The following CUL9 variants were observed in gnomAD, a reference collection of about 807,000 sequenced individuals.
The protein encoded by CUL9 is cullin-9.
A neutral mutation model predicts 272.6 loss-of-function variants in CUL9; 79 were observed. That is an observed-to-expected ratio of 0.29 (90% CI 0.24 to 0.35). The LOEUF is 0.35. Among genes scored for constraint, CUL9 ranks in the 10% least tolerant of loss-of-function variants. CUL9 has a pLI of 1.00. For synonymous variants in CUL9, 1,186 were observed against 1,286.5 expected (o/e 0.92, Z 1.67); for missense variants, 2,532 against 3,255.6 (o/e 0.78, Z 5.41).
In CUL9 at chr6:43,203,111, G is replaced by A. The variant is rs1774750119; in HGVS notation, c.3756G>A (p.Val1252=). 2 of 1,613,202 alleles carry A rather than the reference G, an allele frequency of 1.2e-6. No individual in the cohort carries two copies. Residue 1252 remains valine, a splice_region_variant and synonymous_variant, in exon 18 of 41, where the codon GTG becomes GTA. Coordinates refer to ENST00000252050, the MANE Select transcript of CUL9 (RefSeq NM_015089.4). The surrounding 1 kb of genome is among the most constrained non-coding windows in gnomAD (Gnocchi z 5.0). ...CCTCTTCTCCCCTGCCCTACCAGGT[G>A]AATGTGATGCCCTCTGCCAGCCGGG... The part of the protein sequence containing the change: ...TSCIGTELNT[V]NVMPSASRVI...
chr6:43,203,210 G>GT lies in CUL9; in HGVS notation c.3849+8dup, dbSNP rs1562039251. The GT allele has an allele frequency of 1.9e-6, 3 of 1,614,074 alleles. No homozygotes were observed. The East Asian group carries it at 6.7e-5, about 36-fold the overall frequency. On this transcript the variant is annotated splice_region_variant and intron_variant, in intron 18 of 40. Coordinates refer to ENST00000252050, the MANE Select transcript of CUL9 (RefSeq NM_015089.4). This position sits in a 1 kb window ranked among gnomAD's most constrained non-coding sequence, Gnocchi z 5.0. The stretch of plus-strand genomic sequence containing the variant: ...GCATAAAGCGCTGCCAGCAGGTGGT[G>GT]TTAGGGTGTCAGCCAGGGCTGAGGA...
chr6:43,213,882 G>T lies in CUL9; in HGVS notation c.5658G>T (p.Lys1886Asn). 1 of 1,614,136 alleles carries T rather than the reference G, an allele frequency of 6.2e-7. No homozygotes were observed. The highest frequency in any genetic ancestry group is 2.2e-5 in the East Asian group (1 of 44,884). Residue 1886 changes from lysine to asparagine, a missense_variant, in exon 29 of 41, where the codon AAG becomes AAT. By Grantham distance (94) the Lys-to-Asn change is moderately conservative. Coordinates refer to ENST00000252050, the MANE Select transcript of CUL9 (RefSeq NM_015089.4). This position sits in a 1 kb window ranked among gnomAD's most constrained non-coding sequence, Gnocchi z 5.7. The stretch of plus-strand genomic sequence containing the variant: ...GTATTCTCAAAGCCCATGGGGAAAA[G>T]GGCCTCCACATTGATCAGCTGGTTT... ...LVRILKAHGE[K>N]GLHIDQLVCL...
chr6:43,199,413 T>A lies in CUL9; in HGVS notation c.3156+42T>A. ...AAGGAGAAGAGAGGGAAGGGCAGCATCTGGGGCACCAACTCCTTGTGAGGC... is the reference window on the plus strand; with the variant it reads ...AAGGAGAAGAGAGGGAAGGGCAGCAACTGGGGCACCAACTCCTTGTGAGGC... On this transcript the variant is annotated intron_variant, in intron 13 of 40. Transcript: ENST00000252050. This position sits in a 1 kb window ranked among gnomAD's most constrained non-coding sequence, Gnocchi z 4.4. 6.7e-7 allele frequency: 1 copy of A among 1,498,058 alleles called. No individual in the cohort carries two copies. Among genetic ancestry groups the A allele is most frequent in the Non-Finnish European group, 9.3e-7 (1 of 1,075,806 alleles). The allele number at this position is 1,498,058 out of a possible 1,614,324, so 92.8% of individuals were successfully genotyped here.
At chr6:43,198,343 A>C (rs1774196240) in intron 11 of CUL9, 11 of 976,090 alleles carry the variant, frequency 1.1e-5, no homozygotes, top group Non-Finnish European at 1.3e-5. Context: ...ACTATAACTA[A>C]CATTTAATAA....
intron 16 of CUL9, among the ~76,000 whole-genome samples, chr6:43,201,569 TC>T (rs1451253520): frequency 6.6e-6 from 1 of 152,200 alleles, no homozygotes; most frequent in Non-Finnish European, 1.5e-5. Context: ...AACTTCTGCC[TC>T]CCGGGTTCAC....
chr6:43,220,728 G>T lies in CUL9; in HGVS notation c.6424-19G>T. 2 of 1,609,800 alleles carry T rather than the reference G, an allele frequency of 1.2e-6. No homozygotes were observed. Among genetic ancestry groups the T allele is most frequent in the Non-Finnish European group, 1.7e-6 (2 of 1,178,222 alleles). ...CTGGAGAGCCATACCCTCACCTCGT[G>T]GCACCTGCGTCTCCACAGTATGAGA... is the stretch of plus-strand genomic sequence containing the variant. On this transcript the variant is annotated intron_variant, in intron 32 of 40. Transcript: ENST00000252050. The surrounding 1 kb of genome is among the most constrained non-coding windows in gnomAD (Gnocchi z 4.9).
rs1773045656 is a variant in CUL9, at chr6:43,187,610, A to G, written c.1582-103A>G. ...CAAGTGCTGTGAGGGTCTAGTATGT[A>G]GAAGGTGTGGGGGCATGGTAGGGAG... On this transcript the variant is annotated intron_variant, in intron 6 of 40. Coordinates refer to ENST00000252050, the MANE Select transcript of CUL9 (RefSeq NM_015089.4). 3 of 1,387,356 alleles carry G rather than the reference A, an allele frequency of 2.2e-6. No homozygotes were observed. In the Admixed American group the frequency reaches 5.6e-5, roughly 26 times the overall value. The allele number at this position is 1,387,356 out of a possible 1,614,324, so 85.9% of individuals were successfully genotyped here. A position where few individuals can be genotyped will look rare whatever the true frequency, so the allele number is the denominator to read the frequency against.
Position 43,223,414 on chromosome 6 carries a change from A to C in CUL9, c.7284+17A>C. On this transcript the variant is annotated intron_variant, in intron 39 of 40. Transcript: ENST00000252050. This position sits in a 1 kb window ranked among gnomAD's most constrained non-coding sequence, Gnocchi z 4.1. Reference sequence around the variant, plus strand: ...TCTGCCCAGGTACTGCCCGGCCCAGACCCCTTCTGCTCCTGCATTCTGCGG... The same window carrying C: ...TCTGCCCAGGTACTGCCCGGCCCAGCCCCCTTCTGCTCCTGCATTCTGCGG... 1 of 1,579,684 alleles carries C rather than the reference A, an allele frequency of 6.3e-7. No homozygotes were observed.
chr6:43,190,070 G>A (rs1773310599), intron 8 of CUL9, among the ~76,000 whole-genome samples: 1 of 151,890 alleles, frequency 6.6e-6, no homozygotes, highest in East Asian at 1.9e-4. Flanking sequence ...ATATCAGTCT[G>A]GGTGGAGCTG....
In CUL9 at chr6:43,222,556, G is replaced by A. The variant is rs146799139; in HGVS notation, c.6947G>A (p.Arg2316Gln). The change falls in exon 37 of 41, where the codon CGG (arginine) becomes CAG (glutamine). Residue 2316 changes from arginine to glutamine, a missense_variant. Physicochemically the swap from Arg to Gln is conservative, Grantham distance 43. Transcript: ENST00000252050. ...GAGTTTGCTGTGAACTTGCGGAACC[G>A]GGTGTCTGCCATCCATGAAGTGCCC... is the stretch of plus-strand genomic sequence containing the variant. ...AREFAVNLRNRVSAIHEVPPP... is the reference protein window; with the variant it reads ...AREFAVNLRNQVSAIHEVPPP... The A allele has an allele frequency of 6.8e-6, 11 of 1,613,866 alleles. No individual in the cohort carries two copies. Among genetic ancestry groups the A allele is most frequent in the East Asian group, 2.2e-5 (1 of 44,880 alleles).
Position 43,184,904 on chromosome 6 carries a change from T to C in CUL9, c.594T>C (p.Ala198=), listed in dbSNP as rs764962364. Reference sequence around the variant, plus strand: ...TGCAGGCTCTGGCAGCCCACGATGCTGGTAAGAGACAGCCAGGGAAGAAGG... The same window carrying C: ...TGCAGGCTCTGGCAGCCCACGATGCCGGTAAGAGACAGCCAGGGAAGAAGG... ...KMLQALAAHD[A]GSRAHVLLSL... The change falls in exon 2 of 41, where the codon GCT becomes GCC. Residue 198 remains alanine (A), a splice_region_variant and synonymous_variant. Transcript: ENST00000252050. The surrounding 1 kb of genome is among the most constrained non-coding windows in gnomAD (Gnocchi z 4.8). The C allele has an allele frequency of 6.3e-7, 1 of 1,585,764 alleles. No individual in the cohort carries two copies. Among genetic ancestry groups the C allele is most frequent in the Non-Finnish European group, 8.6e-7 (1 of 1,167,944 alleles).
intron 11 of CUL9, chr6:43,198,267 T>C (rs1186722689): frequency 1.0e-6 from 1 of 984,928 alleles, no homozygotes; most frequent in Non-Finnish European, 1.2e-6. Context: ...GTATGTATCT[T>C]TTAGTCTGTG....
At chr6:43,193,364 C>T (rs978042891) in intron 9 of CUL9, among the ~76,000 whole-genome samples, 156 bp downstream of exon 9, 11 of 152,018 alleles carry the variant, frequency 7.2e-5, no homozygotes, top group African/African-American at 2.7e-4. Flanking sequence ...GGACATTCTT[C>T]GGGATTAAGT....
In CUL9 at chr6:43,218,997, C is replaced by G. The variant is rs757147156; in HGVS notation, c.6283-1462C>G. The stretch of plus-strand genomic sequence containing the variant: ...CTCAGGAGTTTGAGACCAGCCTAGA[C>G]AACACAGCAAGACCCCATAGCTACA... On this transcript the variant is annotated intron_variant, in intron 31 of 40. Transcript: ENST00000252050. This position sits in a 1 kb window ranked among gnomAD's most constrained non-coding sequence, Gnocchi z 4.4. Among the ~76,000 whole-genome samples, 2 of 152,070 alleles carry G rather than the reference C, an allele frequency of 1.3e-5. No homozygotes were observed. The highest frequency in any genetic ancestry group is 2.9e-5 in the Non-Finnish European group (2 of 67,998).
chr6:43,198,304 C>T (rs1774192682), intron 11 of CUL9: 1 of 980,566 alleles, frequency 1.0e-6, no homozygotes. Context: ...GCAGGTAGTA[C>T]AGGGATATAA....
Position 43,222,773 on chromosome 6 carries a change from C to T in CUL9, c.7033-6C>T. ...CAGGCGGGAGAGCTGATGGGAGCCC[C>T]TGCAGGTGCTGGCCTACGCCTGCGT... On this transcript the variant is annotated splice_polypyrimidine_tract_variant and splice_region_variant and intron_variant, in intron 37 of 40. Transcript: ENST00000252050. 1 of 1,613,460 alleles carries T rather than the reference C, an allele frequency of 6.2e-7. No homozygotes were observed. Among genetic ancestry groups the T allele is most frequent in the Non-Finnish European group, 8.5e-7 (1 of 1,179,534 alleles).
chr6:43,196,184 T>C lies in CUL9; in HGVS notation c.2504T>C (p.Ile835Thr). The change falls in exon 10 of 41, where the codon ATC (isoleucine) becomes ACC (threonine). Residue 835 changes from isoleucine (I) to threonine (T), a missense_variant. Physicochemically the swap from Ile to Thr is moderately conservative, Grantham distance 89 (BLOSUM62 -1). Around this residue, in one of 3 missense-constraint regions of CUL9, gnomAD observed 2,218 missense variants for 2,788.6 expected, o/e 0.80. Transcript: ENST00000252050. ...AQMTREIFAS[I>T]DSATRPGSES... ...ATGACCAGAGAGATCTTCGCCAGCA[T>C]CGACTCAGCCACACGCCCGGGCTCT... 6.2e-7 allele frequency: 1 copy of C among 1,614,170 alleles called. No homozygotes were observed. Among genetic ancestry groups the C allele is most frequent in the South Asian group, 1.1e-5 (1 of 91,078 alleles).
chr6:43,213,364 T>C lies in CUL9; in HGVS notation c.5358+70T>C. ...CTGTCGCTGTTCTCCTCCTAAACCC[T>C]GTTCCTCCTTCATCCTTACTCCCCT... On this transcript the variant is annotated intron_variant, in intron 27 of 40. Coordinates refer to ENST00000252050, the MANE Select transcript of CUL9 (RefSeq NM_015089.4). The surrounding 1 kb of genome is among the most constrained non-coding windows in gnomAD (Gnocchi z 5.7). 1 of 1,610,392 alleles carries C rather than the reference T, an allele frequency of 6.2e-7. No homozygotes were observed. The highest frequency in any genetic ancestry group is 8.5e-7 in the Non-Finnish European group (1 of 1,177,228).
chr6:43,222,942 C>T, intron 38 of CUL9, 46 bp downstream of exon 38: 1 of 1,523,706 alleles, frequency 6.6e-7, no homozygotes, highest in Non-Finnish European at 9.1e-7. Flanking sequence ...CTCCTCCCCT[C>T]TGTTGCACAG....
Sources: allele counts gnomAD v4.1 joint callset (sites outside exome capture counted in the v4.1 genomes callset), GRCh38; gene constraint gnomAD v4.1.1; regional missense constraint gnomAD v4.1.1; non-coding constraint Gnocchi (gnomAD v3.1); transcripts MANE v1.5; gene names NCBI Gene and HGNC (gene_info 2026-07-23, HGNC 2026-07-21).